The following MYH3 variants were observed in gnomAD, a reference collection of about 807,000 sequenced individuals.
MYH3 encodes myosin-3.
A neutral mutation model predicts 238.0 loss-of-function variants in MYH3; 130 were observed. The ratio of observed to expected loss-of-function variants is 0.55; its 90% CI spans 0.47 to 0.63. The LOEUF (loss-of-function observed/expected upper bound fraction) is 0.63, where lower values mean the gene tolerates loss of function less well. Among genes scored for constraint, MYH3 ranks in the 30% least tolerant of loss-of-function variants. The probability of loss-of-function intolerance (pLI) is 0.00; values close to 1 mark genes in which losing one functional copy is unlikely to be tolerated. For synonymous variants in MYH3, 880 were observed against 924.1 expected, an observed-to-expected ratio of 0.95 and a Z score of 0.86; for missense variants, 1,853 against 2,374.9, an observed-to-expected ratio of 0.78 and a Z score of 4.57.
At chr17:10,667,762 A>C in the MYH3 span, among the ~76,000 whole-genome samples, 2 of 151,248 alleles carry the variant, frequency 1.3e-5, no homozygotes, top group African/African-American at 4.9e-5. Context: ...TAAAAAAAAA[A>C]CAGTGTTCTG....
intron 5 of MYH3, among the ~76,000 whole-genome samples, chr17:10,651,077 C>T (rs1026027441): frequency 2.7e-5 from 4 of 149,496 alleles, no homozygotes; most frequent in East Asian, 2.0e-4. Flanking sequence ...CGCAGCTACT[C>T]GGGAGGCTGA....
At position 10,629,851 on chromosome 17, in the gene MYH3, C is replaced by T. The variant is rs371260049; in HGVS notation, c.5649G>A (p.Ala1883=). The T allele has an allele frequency of 2.5e-6, 4 of 1,614,096 alleles. No individual in the cohort carries two copies. Among genetic ancestry groups the T allele is most frequent in the East Asian group, 4.5e-5 (2 of 44,882 alleles). Residue 1883 remains alanine, a synonymous_variant, in exon 39 of 41, where the codon GCG becomes GCA. Coordinates refer to ENST00000583535, the MANE Select transcript of MYH3 (RefSeq NM_002470.4). The part of the protein sequence containing the change: ...QVKVKSYKRQ[A]EEADEQANAH... ...CACCTATCTCACTTACAGCCTCCTC[C>T]GCCTGCCTCTTGTAGGACTTGACTT... is the stretch of plus-strand genomic sequence containing the variant.
At chr17:10,674,258 T>C in the MYH3 span, 1 of 161,492 alleles carries the variant, frequency 6.2e-6, no homozygotes, top group African/African-American at 2.4e-5. Context: ...CTACTAAAAA[T>C]ACAAAAATTA....
At chr17:10,634,719 T>G (rs2074196682) in intron 31 of MYH3, 121 bp downstream of exon 31, 2 of 1,232,616 alleles carry the variant, frequency 1.6e-6, no homozygotes, top group African/African-American at 3.0e-5. Context: ...GTTCAGGGAC[T>G]TGCCCAAGGC....
At position 10,632,766 on chromosome 17, in the gene MYH3, C is replaced by T; in HGVS notation, c.4666G>A (p.Glu1556Lys). The change falls in exon 34 of 41, where the codon GAA becomes AAA. Residue 1556 changes from glutamate to lysine, a missense_variant. Physicochemically the swap from Glu to Lys is moderately conservative, Grantham distance 56. Transcript: ENST00000583535. ...AGCTGGATTCGGAGGATCTTGGCTT[C>T]TTCATGCTCAAGAGCAGCCTTTAAG... The part of the protein sequence containing the change: ...EEAEAALEHE[E>K]AKILRIQLEL... The T allele has an allele frequency of 6.2e-7, 1 of 1,614,236 alleles. No homozygotes were observed. Among genetic ancestry groups the T allele is most frequent in the Non-Finnish European group, 8.5e-7 (1 of 1,180,048 alleles).
In MYH3 at chr17:10,633,583, G is replaced by A; in HGVS notation, c.4647+8C>T. 1 of 1,612,464 alleles carries A rather than the reference G, an allele frequency of 6.2e-7. No individual in the cohort carries two copies. The highest frequency in any genetic ancestry group is 8.5e-7 in the Non-Finnish European group (1 of 1,179,874). ...CATCTGCGCCTGAGCCTGCCTCCCA[G>A]CACTCACCTCTGCTTCCTCGAGAGC... On this transcript the variant is annotated splice_region_variant and intron_variant, in intron 33 of 40. Transcript: ENST00000583535.
In MYH3 at chr17:10,642,333, C is replaced by G. The variant is rs755911317; in HGVS notation, c.1889-23G>C. 6.2e-7 allele frequency: 1 copy of G among 1,613,884 alleles called. No homozygotes were observed. The highest frequency in any genetic ancestry group is 1.7e-5 in the Admixed American group (1 of 60,002). On this transcript the variant is annotated intron_variant, in intron 16 of 40. Coordinates refer to ENST00000583535, the MANE Select transcript of MYH3 (RefSeq NM_002470.4). The surrounding 1 kb of genome is among the most constrained non-coding windows in gnomAD (Gnocchi z 5.4). ...CAGCTGAAAGCAATAAGGGAGGGCA[C>G]GTGCTGTAGGTGAATCTAAAAGGTT...
chr17:10,660,009 G>C (rs1597497766), upstream of MYH3, among the ~76,000 whole-genome samples: 1 of 152,254 alleles, frequency 6.6e-6, no homozygotes, highest in Non-Finnish European at 1.5e-5. Flanking sequence ...CACAGCAGCA[G>C]GTCGGAGCAG....
At chr17:10,661,105 T>C (rs1449291708), upstream of MYH3, among the ~76,000 whole-genome samples, 6 of 151,368 alleles carry the variant, frequency 4.0e-5, no homozygotes, top group East Asian at 1.2e-3. Flanking sequence ...GCCTCCCGAG[T>C]AGCTGGGACT....
chr17:10,641,137 T>C lies in MYH3; in HGVS notation c.2113A>G (p.Ile705Val), dbSNP rs1190309308. The C allele has an allele frequency of 2.5e-6, 4 of 1,613,884 alleles. No individual in the cohort carries two copies. The highest frequency in any genetic ancestry group is 3.4e-6 in the Non-Finnish European group (4 of 1,180,004). ...CTGTTTGGGAACCCTTTCCTGCAGA[T>C]GCGGATGCCCTCCAGGACACCGTTA... ...RCNGVLEGIR[I>V]CRKGFPNRIL... is the part of the protein sequence containing the mutation. The change falls in exon 19 of 41, where the codon ATC becomes GTC. Residue 705 changes from isoleucine (I) to valine (V), a missense_variant. Ile to Val is a conservative substitution (Grantham distance 29, BLOSUM62 3). Transcript: ENST00000583535.
At chr17:10,669,371 G>A in the MYH3 span, among the ~76,000 whole-genome samples, 1 of 152,044 alleles carries the variant, frequency 6.6e-6, no homozygotes, top group Non-Finnish European at 1.5e-5. Context: ...TGGCCAACAT[G>A]GTGAAACCCC....
the MYH3 span, among the ~76,000 whole-genome samples, chr17:10,669,918 A>G: frequency 6.6e-6 from 1 of 152,198 alleles, no homozygotes; most frequent in Non-Finnish European, 1.5e-5. Flanking sequence ...CTCAAAAGGA[A>G]TAAAGAAAAT....
At chr17:10,663,549 T>C in the MYH3 span, among the ~76,000 whole-genome samples, 1 of 151,866 alleles carries the variant, frequency 6.6e-6, no homozygotes, top group Non-Finnish European at 1.5e-5. Flanking sequence ...TGAAGGCTTC[T>C]GGAAAGCTGT....
chr17:10,649,393 T>A (rs1010367256), intron 7 of MYH3, among the ~76,000 whole-genome samples, 184 bp downstream of exon 7: 7 of 152,202 alleles, frequency 4.6e-5, no homozygotes, highest in African/African-American at 1.7e-4. Flanking sequence ...CGGGATCTAG[T>A]CCTACAAGAC....
chr17:10,655,606 ATC>A (rs1295293726), intron 2 of MYH3, among the ~76,000 whole-genome samples: 1 of 151,804 alleles, frequency 6.6e-6, no homozygotes, highest in Admixed American at 6.6e-5. Context: ...TGACATCAGC[ATC>A]TGTTTGACAG....
chr17:10,645,176 C>T (rs558994745), intron 12 of MYH3, among the ~76,000 whole-genome samples: 3 of 152,030 alleles, frequency 2.0e-5, no homozygotes, highest in South Asian at 2.1e-4. Flanking sequence ...GGCTCACACC[C>T]GTAATCACAG....
the MYH3 span, among the ~76,000 whole-genome samples, chr17:10,666,751 G>GACAAAA: frequency 6.6e-6 from 1 of 151,820 alleles, no homozygotes. Flanking sequence ...AACAGAGCAA[G>GACAAAA]ACAAAAACAA....
At chr17:10,677,129 A>C in the MYH3 span, 8 of 152,324 alleles carry the variant, frequency 5.3e-5, no homozygotes, top group Admixed American at 3.9e-4. Flanking sequence ...CAACATGGAG[A>C]AACCCGTCTC....
At chr17:10,636,097 G>A (rs1436689438) in intron 28 of MYH3, among the ~76,000 whole-genome samples, 1 of 151,988 alleles carries the variant, frequency 6.6e-6, no homozygotes. Flanking sequence ...GGCTGAGGCA[G>A]GCAGATCACA....
Sources: gnomAD v4.1 joint callset for allele counts (sites outside exome capture counted in the v4.1 genomes callset) on GRCh38, gnomAD v4.1.1 for gene constraint, Gnocchi (gnomAD v3.1) non-coding constraint, MANE v1.5 for transcripts, NCBI Gene and HGNC (gene_info 2026-07-23, HGNC 2026-07-21) for gene names.